CPLX1: variants seen among roughly 807,000 people sequenced by gnomAD.
CPLX1 encodes the protein complexin-1.
In CPLX1, 6 loss-of-function variants were observed where a neutral mutation model predicts 15.6. The ratio of observed to expected loss-of-function variants is 0.39; its 90% CI spans 0.21 to 0.76. CPLX1 has a LOEUF of 0.76. CPLX1 is among the 30% of genes least tolerant of loss of function. The pLI is 0.43. For missense variants in CPLX1, 242 were observed against 188.6 expected, an observed-to-expected ratio of 1.28 and a Z score of -1.66; for synonymous variants, 91 against 75.2, an observed-to-expected ratio of 1.21 and a Z score of -1.08.
intron 2 of CPLX1, among the ~76,000 whole-genome samples, chr4:811,490 G>C (rs1249530859): frequency 6.6e-6 from 1 of 152,146 alleles, no homozygotes; most frequent in Non-Finnish European, 1.5e-5. Flanking sequence ...GGGCTATTTA[G>C]AAGTGTGTTG....
At chr4:806,445 C>T (rs960842551) in intron 2 of CPLX1, among the ~76,000 whole-genome samples, 1 of 152,006 alleles carries the variant, frequency 6.6e-6, no homozygotes, top group African/African-American at 2.4e-5. Flanking sequence ...GTATAAAAAC[C>T]CTAGAAGAAA....
Position 785,938 on chromosome 4 carries a change from A to G in CPLX1, c.*563T>C, listed in dbSNP as rs977636566. On this transcript the variant is annotated 3_prime_UTR_variant, in exon 4 of 4. Transcript: ENST00000304062. Reference sequence around the variant, plus strand: ...GTTCGTAAGAAGCAAAACCTTCCAGAGAGGAGAGGAAAGGACGCGGACAGA... The same window carrying G: ...GTTCGTAAGAAGCAAAACCTTCCAGGGAGGAGAGGAAAGGACGCGGACAGA... 1 of 151,954 alleles carries G rather than the reference A, an allele frequency of 6.6e-6. No homozygotes were observed. The highest frequency in any genetic ancestry group is 1.5e-5 in the Non-Finnish European group (1 of 68,058). The allele number at this position is 151,954 out of a possible 1,614,324, so 9.4% of individuals were successfully genotyped here.
At chr4:790,915 CCT>C (rs951496400) in intron 3 of CPLX1, among the ~76,000 whole-genome samples, 11 of 148,220 alleles carry the variant, frequency 7.4e-5, no homozygotes, top group African/African-American at 2.5e-4. Flanking sequence ...GTCTCTCTCC[CCT>C]CTCTCTTTCC....
chr4:787,989 A>G (rs3816673), intron 3 of CPLX1: 622,938 of 985,100 alleles, frequency 0.63, 198,228 homozygotes, highest in African/African-American at 0.75. Context: ...CTGAGATTAC[A>G]GGTGCTCTGG....
chr4:802,024 C>A (rs1378693055), intron 2 of CPLX1, among the ~76,000 whole-genome samples: 1 of 152,156 alleles, frequency 6.6e-6, no homozygotes, highest in Non-Finnish European at 1.5e-5. Flanking sequence ...GAACATGCCA[C>A]CAAATGACCC....
At chr4:819,820 C>T (rs1040713156) in intron 2 of CPLX1, among the ~76,000 whole-genome samples, 2 of 152,224 alleles carry the variant, frequency 1.3e-5, no homozygotes, top group Non-Finnish European at 2.9e-5. Context: ...CTTTTTCCTT[C>T]CCTGACTATG....
chr4:807,683 C>T (rs1171702427), intron 2 of CPLX1, among the ~76,000 whole-genome samples: 2 of 151,954 alleles, frequency 1.3e-5, no homozygotes, highest in Non-Finnish European at 2.9e-5. Context: ...GGGTTTTCAC[C>T]ATGTTGGTCA....
At chr4:799,577 T>C (rs1746412002) in intron 2 of CPLX1, among the ~76,000 whole-genome samples, 1 of 152,174 alleles carries the variant, frequency 6.6e-6, no homozygotes, top group Admixed American at 6.5e-5. Flanking sequence ...AAATATCCTC[T>C]GTAGGCTGGG....
intron 2 of CPLX1, chr4:805,019 C>G (rs562265924): frequency 5.7e-4 from 455 of 802,014 alleles, no homozygotes; most frequent in Non-Finnish European, 6.6e-4. Flanking sequence ...CCCACGCACG[C>G]TCGCGCACCG....
intron 2 of CPLX1, among the ~76,000 whole-genome samples, chr4:810,881 G>C (rs567191622): frequency 6.6e-6 from 1 of 151,850 alleles, no homozygotes; most frequent in South Asian, 2.1e-4. Flanking sequence ...ATTCTTAGTA[G>C]AGGCAGGTTT....
intron 2 of CPLX1, among the ~76,000 whole-genome samples, chr4:807,923 G>C (rs1036017735): frequency 1.3e-5 from 2 of 152,088 alleles, no homozygotes; most frequent in African/African-American, 4.8e-5. Context: ...GCAGAAATAA[G>C]GCTGCATGCT....
chr4:797,421 G>A (rs1180421715), intron 2 of CPLX1, among the ~76,000 whole-genome samples: 3 of 152,144 alleles, frequency 2.0e-5, no homozygotes, highest in African/African-American at 2.4e-5. Context: ...TCCACCTCAC[G>A]GGTTCAAGTT....
chr4:824,958 C>T (rs377663727), intron 1 of CPLX1: 2 of 362,364 alleles, frequency 5.5e-6, no homozygotes, highest in Non-Finnish European at 1.1e-5. Context: ...TCTGGAGCGG[C>T]GCCTCCGCGG....
intron 2 of CPLX1, among the ~76,000 whole-genome samples, chr4:793,270 G>T (rs755155735): frequency 1.3e-5 from 2 of 152,168 alleles, no homozygotes; most frequent in Non-Finnish European, 2.9e-5. Context: ...GGCAGAAGCT[G>T]GCATGGGGGC....
Position 804,315 on chromosome 4 carries a change from T to C in CPLX1, c.32-11707A>G, listed in dbSNP as rs541006725. ...AGTAAAAACCTACCAGAACACATCA[T>C]GGGATGTGGCAGCATGGCTAAATAC... On this transcript the variant is annotated intron_variant, in intron 2 of 3. Transcript: ENST00000304062. Among the ~76,000 whole-genome samples, 5 of 152,292 alleles carry C rather than the reference T, an allele frequency of 3.3e-5. No individual in the cohort carries two copies. The East Asian group carries it at 9.6e-4, about 29-fold the overall frequency.
In CPLX1 at chr4:786,908, G is replaced by C. The variant is rs1746011602; in HGVS notation, c.208-210C>G. On this transcript the variant is annotated intron_variant, in intron 3 of 3. Coordinates refer to ENST00000304062, the MANE Select transcript of CPLX1 (RefSeq NM_006651.4). ...AGCCCCCACGGAGAATGGGGGCCAG[G>C]AGCTGACATGGGGGGGAGCAGGGAG... The C allele has an allele frequency of 7.1e-6, 7 of 981,372 alleles. No homozygotes were observed. In the South Asian group the frequency reaches 3.3e-4, roughly 46 times the overall value. 60.8% of individuals were successfully genotyped at this position (981,372 alleles called of 1,614,324 possible). A position where few individuals can be genotyped will look rare whatever the true frequency, so the allele number is the denominator to read the frequency against.
At chr4:792,706 A>G (rs1746221413) in intron 2 of CPLX1, 98 bp from the exon 3 acceptor site, 6 of 1,339,454 alleles carry the variant, frequency 4.5e-6, no homozygotes, top group Non-Finnish European at 5.1e-6. Context: ...CGACCCCCCA[A>G]ACCCTCCATC....
chr4:814,380 T>G (rs1447749604), intron 2 of CPLX1, among the ~76,000 whole-genome samples: 1 of 152,078 alleles, frequency 6.6e-6, no homozygotes, highest in Non-Finnish European at 1.5e-5. Flanking sequence ...GCCCAGCTAA[T>G]TTTTGTATTT....
At chr4:819,426 G>A (rs940517753) in intron 2 of CPLX1, among the ~76,000 whole-genome samples, 6 of 152,242 alleles carry the variant, frequency 3.9e-5, no homozygotes, top group Non-Finnish European at 5.9e-5. Context: ...CATCTCTGCC[G>A]AACCCAGCAA....
Sources: gnomAD v4.1 joint callset for allele counts (sites outside exome capture counted in the v4.1 genomes callset) on GRCh38, gnomAD v4.1.1 for gene constraint, MANE v1.5 for transcripts, NCBI Gene and HGNC (gene_info 2026-07-23, HGNC 2026-07-21) for gene names.